Variants in KIF6 observed in about 807,000 individuals in gnomAD.
KIF6 encodes kinesin family member 6.
Under a neutral mutation model 112.7 loss-of-function variants are expected in KIF6, and 106 were observed. That is an observed-to-expected ratio of 0.94 (90% CI 0.80 to 1.11). KIF6 has a LOEUF of 1.11. Among genes scored for constraint, KIF6 ranks in the 50% least tolerant of loss-of-function variants. The pLI is 0.00. For missense variants in KIF6, 929 were observed against 964.0 expected, an observed-to-expected ratio of 0.96 and a Z score of 0.48; for synonymous variants, 339 against 339.9, an observed-to-expected ratio of 1.00 and a Z score of 0.03.
intron 9 of KIF6, among the ~76,000 whole-genome samples, chr6:39,580,838 T>G (rs1206226000): frequency 6.6e-6 from 1 of 152,190 alleles, no homozygotes; most frequent in Non-Finnish European, 1.5e-5. Flanking sequence ...CCCTGCATAG[T>G]CTTCCCTGAA....
At chr6:39,582,535 C>G (rs537091095) in intron 9 of KIF6, among the ~76,000 whole-genome samples, 2 of 152,078 alleles carry the variant, frequency 1.3e-5, no homozygotes, top group Admixed American at 6.5e-5. Context: ...CCTCAGCCTC[C>G]GGAGTAGCTG....
intron 15 of KIF6, among the ~76,000 whole-genome samples, chr6:39,393,010 A>C (rs1205906976): frequency 6.6e-6 from 1 of 152,238 alleles, no homozygotes; most frequent in Non-Finnish European, 1.5e-5. Context: ...AACTTCAGGG[A>C]ATCAGAACCA....
intron 3 of KIF6, among the ~76,000 whole-genome samples, chr6:39,706,640 G>A (rs558916197): frequency 9.2e-5 from 14 of 152,346 alleles, no homozygotes; most frequent in African/African-American, 3.1e-4. Context: ...ATTCAGCATA[G>A]CAGCAAGTAA....
chr6:39,445,765 G>C (rs1772270513), intron 13 of KIF6, among the ~76,000 whole-genome samples: 1 of 152,228 alleles, frequency 6.6e-6, no homozygotes, highest in Non-Finnish European at 1.5e-5. Flanking sequence ...AAGGGGGTCA[G>C]TGTTATTCTG....
At chr6:39,386,441 C>T (rs999809815) in intron 15 of KIF6, among the ~76,000 whole-genome samples, 4 of 152,192 alleles carry the variant, frequency 2.6e-5, no homozygotes, top group South Asian at 4.2e-4. Flanking sequence ...TAATGGCTGT[C>T]TTTGAATATC....
intron 5 of KIF6, among the ~76,000 whole-genome samples, chr6:39,617,362 C>G (rs1192476966): frequency 6.6e-6 from 1 of 152,136 alleles, no homozygotes; most frequent in East Asian, 1.9e-4. Context: ...ATAATGGAAG[C>G]TATCAATGAA....
intron 13 of KIF6, among the ~76,000 whole-genome samples, chr6:39,436,524 A>C (rs950653034): frequency 6.6e-6 from 1 of 151,792 alleles, no homozygotes; most frequent in African/African-American, 2.4e-5. Context: ...TCTTTAATCC[A>C]TCTTGAGTTA....
chr6:39,657,583 C>T (rs1402626359), intron 3 of KIF6, among the ~76,000 whole-genome samples: 1 of 152,124 alleles, frequency 6.6e-6, no homozygotes, highest in Non-Finnish European at 1.5e-5. Flanking sequence ...GTTTCTCTGA[C>T]AAACATAAAA....
intron 3 of KIF6, among the ~76,000 whole-genome samples, chr6:39,682,925 G>A (rs908414830): frequency 6.6e-6 from 1 of 152,208 alleles, no homozygotes; most frequent in Non-Finnish European, 1.5e-5. Flanking sequence ...GCCTTTCTGA[G>A]GAGCTAACAG....
At chr6:39,386,141 G>A (rs1767401972) in intron 15 of KIF6, among the ~76,000 whole-genome samples, 2 of 152,264 alleles carry the variant, frequency 1.3e-5, no homozygotes, top group South Asian at 4.2e-4. Flanking sequence ...TGGTCATTTG[G>A]TGTGAAACTC....
intron 13 of KIF6, among the ~76,000 whole-genome samples, chr6:39,468,275 A>G (rs1773914031): frequency 6.6e-6 from 1 of 152,154 alleles, no homozygotes; most frequent in South Asian, 2.1e-4. Context: ...TACAAGACGG[A>G]GGGGAGAAGA....
At chr6:39,488,718 T>C (rs990229575) in intron 13 of KIF6, among the ~76,000 whole-genome samples, 13 of 152,230 alleles carry the variant, frequency 8.5e-5, no homozygotes, top group African/African-American at 2.7e-4. Context: ...ATATTCCTAC[T>C]AGAGAGAGAC....
At chr6:39,538,350 G>T (rs1778567915) in intron 13 of KIF6, among the ~76,000 whole-genome samples, 2 of 151,676 alleles carry the variant, frequency 1.3e-5, no homozygotes, top group Non-Finnish European at 1.5e-5. Context: ...AATCTACAAT[G>T]AACTCAAACA....
chr6:39,389,664 C>A (rs1358908610), intron 15 of KIF6, among the ~76,000 whole-genome samples: 1 of 152,162 alleles, frequency 6.6e-6, no homozygotes, highest in East Asian at 1.9e-4. Flanking sequence ...CTCTGGGCAG[C>A]TATAGCCCAT....
At chr6:39,423,707 C>T (rs1413721145) in intron 14 of KIF6, among the ~76,000 whole-genome samples, 10 of 152,232 alleles carry the variant, frequency 6.6e-5, no homozygotes, top group East Asian at 1.9e-4. Flanking sequence ...CCATCACTTA[C>T]GGATGGCTCA....
chr6:39,489,089 G>T (rs536103564), intron 13 of KIF6, among the ~76,000 whole-genome samples: 3 of 152,288 alleles, frequency 2.0e-5, no homozygotes, highest in Admixed American at 6.5e-5. Flanking sequence ...TTAAAATACA[G>T]CTACCCTCTA....
chr6:39,441,040 T>C (rs1470710166), intron 13 of KIF6, among the ~76,000 whole-genome samples: 1 of 152,134 alleles, frequency 6.6e-6, no homozygotes, highest in African/African-American at 2.4e-5. Flanking sequence ...ACAGTGGAGA[T>C]AGTGTCTTTA....
At chr6:39,515,840 G>C (rs1040476548) in intron 13 of KIF6, among the ~76,000 whole-genome samples, 2 of 152,146 alleles carry the variant, frequency 1.3e-5, no homozygotes, top group African/African-American at 2.4e-5. Flanking sequence ...TCGACTGTGA[G>C]ATATCATACT....
intron 13 of KIF6, among the ~76,000 whole-genome samples, chr6:39,474,032 T>G (rs184662352): frequency 3.3e-5 from 5 of 152,352 alleles, no homozygotes; most frequent in African/African-American, 9.6e-5. Flanking sequence ...AAAATAGATG[T>G]GTACTTCCTC....
Sources: gnomAD v4.1 joint callset for allele counts (sites outside exome capture counted in the v4.1 genomes callset) on GRCh38, gnomAD v4.1.1 for gene constraint, MANE v1.5 for transcripts, NCBI Gene and HGNC (gene_info 2026-07-23, HGNC 2026-07-21) for gene names.